Variants in ZNF730 observed in about 807,000 individuals in gnomAD.
ZNF730 encodes putative zinc finger protein 730.
ZNF730 carries 12 observed loss-of-function variants against 12.6 expected under a neutral mutation model. The observed-to-expected ratio is 0.95, with a 90% CI of 0.61 to 1.54. The LOEUF (loss-of-function observed/expected upper bound fraction) is 1.54, where lower values mean the gene tolerates loss of function less well. Among genes scored for constraint, ZNF730 ranks in the 40% most tolerant of loss-of-function variants. ZNF730 has a pLI of 0.00. For synonymous variants in ZNF730, 194 were observed against 195.8 expected (o/e 0.99, Z 0.08); for missense variants, 643 against 583.5 (o/e 1.10, Z -1.05).
chr19:23,113,816 G>T (rs1250774829), upstream of ZNF730, among the ~76,000 whole-genome samples: 6 of 152,218 alleles, frequency 3.9e-5, no homozygotes, highest in South Asian at 2.1e-4. Context: ...GTACATTTTT[G>T]ATGGTGACAG....
chr19:23,100,630 CTTTTTTTTTTTTTTTTTTTTTTTTT>C (rs201462781), intron 1 of ZNF730, among the ~76,000 whole-genome samples: 9 of 118,554 alleles, frequency 7.6e-5, no homozygotes, highest in African/African-American at 2.0e-4. Context: ...GATGGTGATT[CTTTTTTTTTTTTTTTTTTTTTTTTT>C]TTTTTTTTTT....
chr19:23,088,539 G>A (rs1342913652), intron 1 of ZNF730, among the ~76,000 whole-genome samples: 1 of 151,732 alleles, frequency 6.6e-6, no homozygotes, highest in Non-Finnish European at 1.5e-5. Context: ...CATGATCTCA[G>A]TGCAGCCTCC....
At position 23,147,043 on chromosome 19, in the gene ZNF730, A is replaced by C; in HGVS notation, c.*487A>C. 1 of 277,434 alleles carries C rather than the reference A, an allele frequency of 3.6e-6. No homozygotes were observed. Among genetic ancestry groups the C allele is most frequent in the Non-Finnish European group, 7.0e-6 (1 of 143,466 alleles). 17.2% of individuals were successfully genotyped at this position (277,434 alleles called of 1,614,324 possible). A position where few individuals can be genotyped will look rare whatever the true frequency, so the allele number is the denominator to read the frequency against. Reference sequence around the variant, plus strand: ...AGGTAAGGTGATTCATACTGGAGAAAACTTCTACAAGTGTAAACAAAGTGG... The same window carrying C: ...AGGTAAGGTGATTCATACTGGAGAACACTTCTACAAGTGTAAACAAAGTGG... On this transcript the variant is annotated 3_prime_UTR_variant, in exon 4 of 4. Transcript: ENST00000597761.
intron 1 of ZNF730, among the ~76,000 whole-genome samples, chr19:23,083,018 T>A (rs888814813): frequency 6.6e-6 from 1 of 152,210 alleles, no homozygotes; most frequent in South Asian, 2.1e-4. Context: ...TATTCATTTA[T>A]CTGTTGCTAT....
chr19:23,116,649 G>A (rs1227212043), upstream of ZNF730, among the ~76,000 whole-genome samples: 1 of 139,650 alleles, frequency 7.2e-6, no homozygotes, highest in African/African-American at 2.7e-5. Context: ...TCAAACTCCT[G>A]ACCTCAGATG....
chr19:23,091,065 G>T (rs553067556), intron 1 of ZNF730, among the ~76,000 whole-genome samples: 7 of 152,000 alleles, frequency 4.6e-5, no homozygotes, highest in Admixed American at 3.9e-4. Flanking sequence ...CCCATGCTGT[G>T]TGCAGCCTAA....
intron 1 of ZNF730, among the ~76,000 whole-genome samples, chr19:23,108,977 T>C (rs1970427936): frequency 6.6e-6 from 1 of 152,138 alleles, no homozygotes; most frequent in Non-Finnish European, 1.5e-5. Context: ...CTCGAACTCC[T>C]AACTTCAGGT....
chr19:23,109,443 C>T (rs1393190624), intron 1 of ZNF730, among the ~76,000 whole-genome samples: 2 of 150,654 alleles, frequency 1.3e-5, no homozygotes, highest in Non-Finnish European at 3.0e-5. Context: ...GAGTCTCCAT[C>T]TGTCACCCAG....
At chr19:23,145,232 C>G in intron 3 of ZNF730, 39 bp from the exon 4 acceptor site, 3 of 1,342,418 alleles carry the variant, frequency 2.2e-6, no homozygotes, top group South Asian at 3.5e-5. Flanking sequence ...TATACTCAGT[C>G]TAGTACATGC....
intron 3 of ZNF730, among the ~76,000 whole-genome samples, chr19:23,141,662 T>C (rs999449347): frequency 6.6e-6 from 1 of 152,188 alleles, no homozygotes; most frequent in African/African-American, 2.4e-5. Context: ...TTTTTTAGTT[T>C]TTTTCTCATT....
In ZNF730 at chr19:23,134,031, T is replaced by C. The variant is rs779030365; in HGVS notation, c.4-49T>C. Reference sequence around the variant, plus strand: ...TTTCACCTTGAGTGAAACTTAAAATTCTGCCCAGGGGCACTTGGTAAATAT... The same window carrying C: ...TTTCACCTTGAGTGAAACTTAAAATCCTGCCCAGGGGCACTTGGTAAATAT... On this transcript the variant is annotated intron_variant, in intron 1 of 3. Coordinates refer to ENST00000597761, the MANE Select transcript of ZNF730 (RefSeq NM_001277403.2). The C allele has an allele frequency of 1.3e-5, 21 of 1,603,746 alleles. No homozygotes were observed. In the South Asian group the frequency reaches 2.1e-4, roughly 16 times the overall value.
At chr19:23,129,799 C>G (rs1970722888) in intron 1 of ZNF730, among the ~76,000 whole-genome samples, 1 of 151,892 alleles carries the variant, frequency 6.6e-6, no homozygotes, top group Admixed American at 6.6e-5. Context: ...TGAGACCATC[C>G]TGGCTAACAC....
At chr19:23,122,628 A>C (rs940238940) in intron 1 of ZNF730, among the ~76,000 whole-genome samples, 1 of 152,230 alleles carries the variant, frequency 6.6e-6, no homozygotes, top group Admixed American at 6.5e-5. Context: ...AGAACAGTTC[A>C]GTTTATTCAC....
At chr19:23,094,393 T>C (rs1000658417) in intron 1 of ZNF730, among the ~76,000 whole-genome samples, 1 of 101,160 alleles carries the variant, frequency 9.9e-6, no homozygotes, top group Admixed American at 8.4e-5. Flanking sequence ...TATCTATCTG[T>C]CTATCTGTCT....
At chr19:23,101,270 A>G (rs1357080851) in intron 1 of ZNF730, among the ~76,000 whole-genome samples, 3 of 152,042 alleles carry the variant, frequency 2.0e-5, no homozygotes, top group Admixed American at 2.0e-4. Flanking sequence ...GAAAAGTTGA[A>G]TAATTGACTC....
upstream of ZNF730, among the ~76,000 whole-genome samples, chr19:23,114,947 G>A (rs1444162741): frequency 1.3e-5 from 2 of 151,994 alleles, no homozygotes; most frequent in African/African-American, 4.8e-5. Context: ...ATCATGCTTG[G>A]CTAATTTTTT....
chr19:23,093,936 A>G (rs1970200565), intron 1 of ZNF730, among the ~76,000 whole-genome samples: 1 of 152,202 alleles, frequency 6.6e-6, no homozygotes, highest in African/African-American at 2.4e-5. Flanking sequence ...TGCCAGGTCC[A>G]CCAGATGTTT....
At chr19:23,121,410 C>T (rs951422656) in intron 1 of ZNF730, among the ~76,000 whole-genome samples, 2 of 152,234 alleles carry the variant, frequency 1.3e-5, no homozygotes, top group African/African-American at 2.4e-5. Context: ...ACGATCTCGG[C>T]TCACTGCAAC....
At chr19:23,125,372 G>A (rs897860950) in intron 1 of ZNF730, among the ~76,000 whole-genome samples, 6 of 152,216 alleles carry the variant, frequency 3.9e-5, no homozygotes, top group Non-Finnish European at 8.8e-5. Flanking sequence ...ATGTGGGAAA[G>A]TGTGGAACTC....
Sources: allele counts gnomAD v4.1 joint callset (sites outside exome capture counted in the v4.1 genomes callset), GRCh38; gene constraint gnomAD v4.1.1; transcripts MANE v1.5; gene names NCBI Gene and HGNC (gene_info 2026-07-23, HGNC 2026-07-21).